INPP4A: variants seen among roughly 807,000 people sequenced by gnomAD.
INPP4A encodes the protein inositol polyphosphate-4-phosphatase type I A.
In INPP4A, 33 loss-of-function variants were observed where a neutral mutation model predicts 119.8. The ratio of observed to expected loss-of-function variants is 0.28; its 90% CI spans 0.21 to 0.37. The LOEUF (loss-of-function observed/expected upper bound fraction) is 0.37, where lower values mean the gene tolerates loss of function less well. Among genes scored for constraint, INPP4A ranks in the 10% least tolerant of loss-of-function variants. The pLI is 1.00. For missense variants in INPP4A, 956 were observed against 1,289.9 expected, an observed-to-expected ratio of 0.74 and a Z score of 3.97; for synonymous variants, 496 against 500.7, an observed-to-expected ratio of 0.99 and a Z score of 0.12.
At chr2:98,482,245 T>G (rs1678617328) in intron 1 of INPP4A, among the ~76,000 whole-genome samples, 2 of 152,374 alleles carry the variant, frequency 1.3e-5, no homozygotes, top group Admixed American at 6.5e-5. Flanking sequence ...CTCTTTGCCT[T>G]TACACCTGTG....
chr2:98,558,305 G>A (rs1337393813), intron 16 of INPP4A, among the ~76,000 whole-genome samples: 6 of 151,622 alleles, frequency 4.0e-5, no homozygotes, highest in Admixed American at 3.3e-4. Context: ...CCTAGAAGAG[G>A]GGTTATGGGG....
chr2:98,539,109 T>G, intron 9 of INPP4A, 128 bp downstream of exon 9: 2 of 571,390 alleles, frequency 3.5e-6, no homozygotes, highest in Middle Eastern at 7.5e-4. Context: ...TCTCTGCTGC[T>G]TATCATTGTG....
rs373361697 is a variant in INPP4A, at chr2:98,561,596, A to G, written c.1856-1869A>G. ...TTTTTTTTCATTTTTTTCCTAATGT[A>G]GCGAAGCAATCGTTCTCATAGGAAT... On this transcript the variant is annotated intron_variant, in intron 17 of 24. Transcript: ENST00000409851. Among the ~76,000 whole-genome samples the G allele has an allele frequency of 2.0e-3, 299 of 152,270 alleles. 2 individuals carry two copies. Among genetic ancestry groups the G allele is most frequent in the African/African-American group, 6.9e-3 (285 of 41,544 alleles).
intron 1 of INPP4A, among the ~76,000 whole-genome samples, chr2:98,453,579 C>T (rs1044383563): frequency 5.9e-5 from 9 of 152,078 alleles, no homozygotes; most frequent in East Asian, 3.9e-4. Flanking sequence ...GTGGGGCCTA[C>T]GCTGGATGTG....
intron 10 of INPP4A, among the ~76,000 whole-genome samples, chr2:98,543,625 A>G (rs2106060081): frequency 6.6e-6 from 1 of 152,322 alleles, no homozygotes; most frequent in Admixed American, 6.5e-5. Flanking sequence ...TCCCTTGAAC[A>G]TTAGACTAAA....
intron 1 of INPP4A, among the ~76,000 whole-genome samples, chr2:98,502,506 G>A (rs989512954): frequency 6.6e-6 from 1 of 151,960 alleles, no homozygotes; most frequent in Non-Finnish European, 1.5e-5. Flanking sequence ...TCTTGGTGGT[G>A]GTAATTTTAC....
intron 24 of INPP4A, among the ~76,000 whole-genome samples, chr2:98,579,656 C>T (rs1698989711): frequency 6.6e-6 from 1 of 152,230 alleles, no homozygotes; most frequent in Admixed American, 6.5e-5. Context: ...GCTGTTGTTT[C>T]TCTGCATTAG....
At chr2:98,451,970 C>T (rs1695310633) in intron 1 of INPP4A, among the ~76,000 whole-genome samples, 1 of 152,184 alleles carries the variant, frequency 6.6e-6, no homozygotes, top group Non-Finnish European at 1.5e-5. Context: ...ACTGGAGTCT[C>T]CATCAGCATG....
chr2:98,528,016 AGATG>A (rs1688489853), intron 4 of INPP4A, among the ~76,000 whole-genome samples: 1 of 152,248 alleles, frequency 6.6e-6, no homozygotes, highest in South Asian at 2.1e-4. Flanking sequence ...GCTCATACAC[AGATG>A]GAAAAAACCC....
chr2:98,553,578 C>T (rs1308162181), intron 14 of INPP4A, among the ~76,000 whole-genome samples: 1 of 151,360 alleles, frequency 6.6e-6, no homozygotes, highest in Non-Finnish European at 1.5e-5. Flanking sequence ...CGCTCTCATA[C>T]ACACACACAC....
intron 1 of INPP4A, among the ~76,000 whole-genome samples, chr2:98,470,956 G>A (rs565301039): frequency 2.6e-5 from 4 of 152,256 alleles, no homozygotes; most frequent in East Asian, 3.9e-4. Flanking sequence ...GTGAGCCACC[G>A]CACCCAGCCA....
At chr2:98,499,053 C>T (rs913508307) in intron 1 of INPP4A, among the ~76,000 whole-genome samples, 1 of 152,166 alleles carries the variant, frequency 6.6e-6, no homozygotes, top group Admixed American at 6.5e-5. Context: ...CCAATTCTGC[C>T]CCACTGAGGA....
Position 98,546,237 on chromosome 2 carries a change from C to G in INPP4A, c.1054+164C>G, listed in dbSNP as rs1278672930. Among the ~76,000 whole-genome samples the G allele has an allele frequency of 6.6e-6, 1 of 152,154 alleles. No individual in the cohort carries two copies. The highest frequency in any genetic ancestry group is 1.9e-4 in the East Asian group (1 of 5,194). ...CTTCAAAAGGTTTCTGATAACAGCCCACACCCCTTCCTTTTGTCTCTCCTC... is the reference window on the plus strand; with the variant it reads ...CTTCAAAAGGTTTCTGATAACAGCCGACACCCCTTCCTTTTGTCTCTCCTC... On this transcript the variant is annotated intron_variant, in intron 12 of 24. Coordinates refer to ENST00000409851, the MANE Select transcript of INPP4A (RefSeq NM_001134225.2). This position sits in a 1 kb window ranked among gnomAD's most constrained non-coding sequence, Gnocchi z 4.2.
intron 14 of INPP4A, 101 bp downstream of exon 14, chr2:98,553,070 T>G (rs773800555): frequency 5.5e-6 from 5 of 916,758 alleles, no homozygotes; most frequent in Non-Finnish European, 8.2e-6. Flanking sequence ...ACAAAGAGCG[T>G]GACATTGGGA....
chr2:98,507,185 G>A (rs979485722), intron 1 of INPP4A, among the ~76,000 whole-genome samples: 1 of 152,208 alleles, frequency 6.6e-6, no homozygotes, highest in African/African-American at 2.4e-5. Flanking sequence ...TAGTGTCAAG[G>A]TTATGCGTGA....
In INPP4A at chr2:98,566,704, C is replaced by T. The variant is rs576849180; in HGVS notation, c.2420+535C>T. ...TCATGCCTGAACCTAAAGGCAACTGCCCTCCAGGGTCACTTGCCACACTGC... is the reference window on the plus strand; with the variant it reads ...TCATGCCTGAACCTAAAGGCAACTGTCCTCCAGGGTCACTTGCCACACTGC... On this transcript the variant is annotated intron_variant, in intron 21 of 24. Coordinates refer to ENST00000409851, the MANE Select transcript of INPP4A (RefSeq NM_001134225.2). The surrounding 1 kb of genome is among the most constrained non-coding windows in gnomAD (Gnocchi z 4.2). 6.6e-6 allele frequency among the ~76,000 whole-genome samples: 1 copy of T among 152,240 alleles called. No individual in the cohort carries two copies. Among genetic ancestry groups the T allele is most frequent in the East Asian group, 1.9e-4 (1 of 5,176 alleles).
Position 98,520,161 on chromosome 2 carries a change from C to A in INPP4A, c.106+7C>A. On this transcript the variant is annotated splice_region_variant and intron_variant, in intron 3 of 24. Coordinates refer to ENST00000409851, the MANE Select transcript of INPP4A (RefSeq NM_001134225.2). ...CTGGGCCTCTCTCTGGCAGGTGAGC[C>A]TCACAGGGCCTGCACCGGGCTCCAG... The A allele has an allele frequency of 6.4e-7, 1 of 1,551,366 alleles. No homozygotes were observed. The highest frequency in any genetic ancestry group is 2.4e-5 in the East Asian group (1 of 41,120).
Position 98,444,954 on chromosome 2 carries a change from A to G in INPP4A, c.-297A>G, listed in dbSNP as rs1211350699. ...GGGCTCCGTGGGCCGGGGCAGGAGG[A>G]CCAGCACCTGAGGCCGGGCCCGCAG... is the stretch of plus-strand genomic sequence containing the variant. On this transcript the variant is annotated 5_prime_UTR_variant, in exon 1 of 25. Transcript: ENST00000409851. 6.6e-6 allele frequency: 1 copy of G among 150,404 alleles called. No homozygotes were observed. The highest frequency in any genetic ancestry group is 2.1e-4 in the South Asian group (1 of 4,838). 9.3% of individuals were successfully genotyped at this position (150,404 alleles called of 1,614,324 possible). A position where few individuals can be genotyped will look rare whatever the true frequency, so the allele number is the denominator to read the frequency against.
At chr2:98,468,853 C>T (rs1159238514) in intron 1 of INPP4A, among the ~76,000 whole-genome samples, 1 of 152,108 alleles carries the variant, frequency 6.6e-6, no homozygotes, top group Non-Finnish European at 1.5e-5. Context: ...ATCACGCCCA[C>T]ACTGGTACTT....
Sources: gnomAD v4.1 joint callset for allele counts (sites outside exome capture counted in the v4.1 genomes callset) on GRCh38, gnomAD v4.1.1 for gene constraint, Gnocchi (gnomAD v3.1) non-coding constraint, MANE v1.5 for transcripts, NCBI Gene and HGNC (gene_info 2026-07-23, HGNC 2026-07-21) for gene names.